The following ST8SIA4 variants were observed in gnomAD, a reference collection of about 807,000 sequenced individuals.
ST8SIA4 encodes CMP-N-acetylneuraminate-poly-alpha-2,8-sialyltransferase.
Under a neutral mutation model 33.9 loss-of-function variants are expected in ST8SIA4, and 15 were observed. The ratio of observed to expected loss-of-function variants is 0.44; its 90% CI spans 0.30 to 0.68. ST8SIA4 has a LOEUF of 0.68. Among genes scored for constraint, ST8SIA4 ranks in the 30% least tolerant of loss-of-function variants. The probability of loss-of-function intolerance (pLI) is 0.10; values close to 1 mark genes in which losing one functional copy is unlikely to be tolerated. For synonymous variants in ST8SIA4, 171 were observed against 151.2 expected (o/e 1.13, Z -0.96); for missense variants, 321 against 428.0 (o/e 0.75, Z 2.21).
chr5:100,848,847 A>G (rs1262692522), intron 4 of ST8SIA4, among the ~76,000 whole-genome samples: 1 of 150,484 alleles, frequency 6.6e-6, no homozygotes, highest in Non-Finnish European at 1.5e-5. Context: ...TATAATATTT[A>G]CCTAGGTATA....
intron 4 of ST8SIA4, among the ~76,000 whole-genome samples, chr5:100,850,538 A>G (rs1464693543): frequency 6.6e-6 from 1 of 152,032 alleles, no homozygotes; most frequent in Non-Finnish European, 1.5e-5. Context: ...ATAGTTCATA[A>G]TAATTAGCAG....
chr5:100,893,180 A>G (rs79499420), intron 2 of ST8SIA4, among the ~76,000 whole-genome samples: 11,520 of 152,174 alleles, frequency 0.076, 855 homozygotes, highest in African/African-American at 0.17. Context: ...ATTAGTTTCT[A>G]ATATCTTTTC....
chr5:100,826,559 C>A (rs570891997), intron 4 of ST8SIA4, among the ~76,000 whole-genome samples: 2 of 152,102 alleles, frequency 1.3e-5, no homozygotes, highest in Non-Finnish European at 2.9e-5. Context: ...TCCTGTAGTT[C>A]AGTTATGGCT....
At chr5:100,853,608 G>C (rs1488679976) in intron 4 of ST8SIA4, among the ~76,000 whole-genome samples, 1 of 152,228 alleles carries the variant, frequency 6.6e-6, no homozygotes, top group Non-Finnish European at 1.5e-5. Context: ...TTAGGAATTA[G>C]TGAAGTAGTT....
chr5:100,872,930 A>G (rs910093430), intron 3 of ST8SIA4, among the ~76,000 whole-genome samples: 8 of 151,690 alleles, frequency 5.3e-5, no homozygotes, highest in Non-Finnish European at 8.8e-5. Flanking sequence ...TGCCTAGGGC[A>G]TATTGTCTAG....
chr5:100,834,870 T>C (rs1436787048), intron 4 of ST8SIA4, among the ~76,000 whole-genome samples: 1 of 152,156 alleles, frequency 6.6e-6, no homozygotes, highest in Non-Finnish European at 1.5e-5. Context: ...ATGATTCTTA[T>C]ACAGCCTGCA....
intron 4 of ST8SIA4, among the ~76,000 whole-genome samples, chr5:100,846,189 C>G (rs1379691282): frequency 6.6e-6 from 1 of 151,922 alleles, no homozygotes; most frequent in Non-Finnish European, 1.5e-5. Context: ...ACAATACTGC[C>G]TAGTGAAAAT....
intron 4 of ST8SIA4, among the ~76,000 whole-genome samples, chr5:100,830,718 C>G (rs26085): frequency 0.093 from 14,149 of 152,192 alleles, 974 homozygotes; most frequent in Middle Eastern, 0.19. Context: ...TATTGTATAA[C>G]TTAGACAAAG....
In ST8SIA4 at chr5:100,810,625, T is replaced by G. The variant is rs1334680970; in HGVS notation, c.*1222A>C. 13 of 152,520 alleles carry G rather than the reference T, an allele frequency of 8.5e-5. No homozygotes were observed. The highest frequency in any genetic ancestry group is 8.5e-4 in the Admixed American group (13 of 15,276). The allele number at this position is 152,520 out of a possible 1,614,324, so 9.4% of individuals were successfully genotyped here. On this transcript the variant is annotated 3_prime_UTR_variant, in exon 5 of 5. Coordinates refer to ENST00000231461, the MANE Select transcript of ST8SIA4 (RefSeq NM_005668.6). The stretch of plus-strand genomic sequence containing the variant: ...ATTAAAAAATATTTAGAGACAACTT[T>G]CACATTAATAGCAAAATAATATATT...
chr5:100,889,081 C>G (rs1752602641), intron 2 of ST8SIA4, among the ~76,000 whole-genome samples: 2 of 151,814 alleles, frequency 1.3e-5, no homozygotes, highest in South Asian at 4.1e-4. Flanking sequence ...TTTAAATAAG[C>G]AACCCTAGGG....
chr5:100,884,314 C>T (rs901972257), intron 3 of ST8SIA4, among the ~76,000 whole-genome samples: 6 of 152,090 alleles, frequency 3.9e-5, no homozygotes, highest in Non-Finnish European at 8.8e-5. Flanking sequence ...TCTAAATGCC[C>T]AGTAGTCCAT....
At chr5:100,871,230 G>A (rs879440167) in intron 3 of ST8SIA4, among the ~76,000 whole-genome samples, 13 of 151,948 alleles carry the variant, frequency 8.6e-5, no homozygotes, top group Non-Finnish European at 1.6e-4. Context: ...AGGTCAAGAA[G>A]GTGATTTAAA....
intron 4 of ST8SIA4, among the ~76,000 whole-genome samples, chr5:100,830,686 C>A (rs26084): frequency 0.093 from 14,142 of 152,190 alleles, 974 homozygotes; most frequent in Middle Eastern, 0.19. Context: ...GACACACCAT[C>A]AAGAATGGTA....
intron 3 of ST8SIA4, chr5:100,886,097 C>T (rs1003508587): frequency 7.8e-7 from 1 of 1,274,476 alleles, no homozygotes; most frequent in Non-Finnish European, 9.9e-7. Flanking sequence ...CCTCCCCCCT[C>T]ACCTCACCAA....
chr5:100,849,405 C>T (rs1751637127), intron 4 of ST8SIA4: 1 of 985,238 alleles, frequency 1.0e-6, no homozygotes. Flanking sequence ...CGTCAGTGTT[C>T]TTAGTTAGAA....
At chr5:100,879,311 T>C (rs1752369562) in intron 3 of ST8SIA4, among the ~76,000 whole-genome samples, 1 of 152,200 alleles carries the variant, frequency 6.6e-6, no homozygotes, top group Admixed American at 6.5e-5. Flanking sequence ...GTAAATTCTG[T>C]GGCTATTCAA....
intron 4 of ST8SIA4, among the ~76,000 whole-genome samples, chr5:100,823,036 G>C (rs548866369): frequency 1.1e-4 from 17 of 152,122 alleles, no homozygotes; most frequent in East Asian, 1.9e-4. Flanking sequence ...GGGGCTGAGG[G>C]GGGAGAATGG....
In ST8SIA4 at chr5:100,810,448, A is replaced by G. The variant is rs1279995748; in HGVS notation, c.*1399T>C. 6.6e-6 allele frequency: 1 copy of G among 152,160 alleles called. No individual in the cohort carries two copies. Among genetic ancestry groups the G allele is most frequent in the Non-Finnish European group, 1.5e-5 (1 of 68,018 alleles). 9.4% of individuals were successfully genotyped at this position (152,160 alleles called of 1,614,324 possible). The stretch of plus-strand genomic sequence containing the variant: ...TAAAGCATTTCCATATTTCTATTTG[A>G]ATAACAAGGGGAATATCAAAGAACT... On this transcript the variant is annotated 3_prime_UTR_variant, in exon 5 of 5. Transcript: ENST00000231461.
intron 4 of ST8SIA4, among the ~76,000 whole-genome samples, chr5:100,852,655 T>C (rs1751729949): frequency 6.6e-6 from 1 of 152,192 alleles, no homozygotes; most frequent in Non-Finnish European, 1.5e-5. Flanking sequence ...TACCTATATA[T>C]CTTTTCCTTC....
Sources: gnomAD v4.1 joint callset for allele counts (sites outside exome capture counted in the v4.1 genomes callset) on GRCh38, gnomAD v4.1.1 for gene constraint, MANE v1.5 for transcripts, NCBI Gene and HGNC (gene_info 2026-07-23, HGNC 2026-07-21) for gene names.